The following BTBD16 variants were observed in gnomAD, a reference collection of about 807,000 sequenced individuals.
BTBD16 encodes BTB/POZ domain-containing protein 16.
Under a neutral mutation model 67.4 loss-of-function variants are expected in BTBD16, and 66 were observed. The ratio of observed to expected loss-of-function variants is 0.98; its 90% confidence interval spans 0.80 to 1.20. The LOEUF (loss-of-function observed/expected upper bound fraction) is 1.20. Among genes scored for constraint, BTBD16 ranks in the 50% most tolerant of loss-of-function variants. The pLI is 0.00. For synonymous variants in BTBD16, 242 were observed against 236.4 expected (o/e 1.02, Z -0.22); for missense variants, 634 against 616.0 (o/e 1.03, Z -0.31).
chr10:122,278,514 C>T (rs2096345631), intron 3 of BTBD16, among the ~76,000 whole-genome samples: 2 of 152,212 alleles, frequency 1.3e-5, no homozygotes, highest in Non-Finnish European at 2.9e-5. Flanking sequence ...GTAAACAGAA[C>T]TATTTTCTTT....
chr10:122,307,173 T>G lies in BTBD16; in HGVS notation c.792-16T>G, dbSNP rs371924682. 2.5e-6 allele frequency: 4 copies of G among 1,575,970 alleles called. 1 individual carries two copies. The African/African-American group carries it at 5.5e-5, about 22-fold the overall frequency. On this transcript the variant is annotated splice_polypyrimidine_tract_variant and intron_variant, in intron 9 of 15. Coordinates refer to ENST00000260723, the MANE Select transcript of BTBD16 (RefSeq NM_144587.5). ...CTATTTCTGAAATTTCTTCTCAATC[T>G]TTTTATTTTGGCCAGGTTATTTACC...
chr10:122,292,933 T>C (rs1279168820), intron 7 of BTBD16, among the ~76,000 whole-genome samples: 2 of 152,254 alleles, frequency 1.3e-5, no homozygotes, highest in Non-Finnish European at 2.9e-5. Flanking sequence ...TATTCCTTCA[T>C]TCCATTAATG....
rs545075957 is a variant in BTBD16 at position 122,272,875 on chromosome 10, G to A, written c.-43+1361G>A. On this transcript the variant is annotated intron_variant, in intron 1 of 15. Coordinates refer to ENST00000260723, the MANE Select transcript of BTBD16 (RefSeq NM_144587.5). ...CTACAGTAACCCAGTAGAAAATTGC[G>A]GAAAACCTATGATTAGGCAGTTTTC... 5.3e-5 allele frequency among the ~76,000 whole-genome samples: 8 copies of A among 152,130 alleles called. No homozygotes were observed. The South Asian group carries it at 1.0e-3, about 20-fold the overall frequency.
rs75121222 is a variant in BTBD16, at chr10:122,298,416, A to G, written c.660+579A>G. 5.4e-3 allele frequency among the ~76,000 whole-genome samples: 829 copies of G among 152,266 alleles called. 9 individuals carry two copies. Among genetic ancestry groups the G allele is most frequent in the African/African-American group, 0.018 (746 of 41,560 alleles). ...AATTCCAAGGCCACTTGTGGTGGAA[A>G]CTGCATCCTGGTCAGCATTTCTCAG... On this transcript the variant is annotated intron_variant, in intron 8 of 15. Coordinates refer to ENST00000260723, the MANE Select transcript of BTBD16 (RefSeq NM_144587.5).
chr10:122,327,075 G>A (rs995911771), intron 10 of BTBD16, among the ~76,000 whole-genome samples: 1 of 152,208 alleles, frequency 6.6e-6, no homozygotes, highest in Non-Finnish European at 1.5e-5. Flanking sequence ...AATGGAAAAT[G>A]TGCTGGACTA....
At chr10:122,315,493 T>A (rs1272088543) in intron 10 of BTBD16, among the ~76,000 whole-genome samples, 1 of 152,234 alleles carries the variant, frequency 6.6e-6, no homozygotes, top group Non-Finnish European at 1.5e-5. Context: ...TACCAGCTTT[T>A]AATTAATTTT....
chr10:122,289,008 C>T (rs2096368957), intron 5 of BTBD16, among the ~76,000 whole-genome samples: 1 of 152,182 alleles, frequency 6.6e-6, no homozygotes. Context: ...TCGAGGATGA[C>T]TGAGTGGATG....
intron 15 of BTBD16, 124 bp downstream of exon 15, chr10:122,336,806 A>G: frequency 2.4e-6 from 2 of 820,166 alleles, no homozygotes; most frequent in Non-Finnish European, 1.8e-6. Flanking sequence ...AATCTGGCTC[A>G]GTTTCTTAAG....
At chr10:122,297,197 A>G (rs1160295017) in intron 7 of BTBD16, among the ~76,000 whole-genome samples, 1 of 152,210 alleles carries the variant, frequency 6.6e-6, no homozygotes, top group East Asian at 1.9e-4. Flanking sequence ...TCACTGGCCC[A>G]TCAGTTTTGT....
intron 7 of BTBD16, among the ~76,000 whole-genome samples, chr10:122,297,341 T>C (rs1334817609): frequency 1.3e-5 from 2 of 152,208 alleles, no homozygotes; most frequent in African/African-American, 4.8e-5. Flanking sequence ...TGAGAGCTGC[T>C]CTTTGATTCC....
chr10:122,316,122 C>G (rs2096423826), intron 10 of BTBD16, among the ~76,000 whole-genome samples: 1 of 152,042 alleles, frequency 6.6e-6, no homozygotes, highest in South Asian at 2.1e-4. Context: ...CAAAAATTAG[C>G]CAGGCATGGT....
Position 122,329,587 on chromosome 10 carries a change from G to A in BTBD16, c.1003+16G>A, listed in dbSNP as rs189569951. On this transcript the variant is annotated intron_variant, in intron 11 of 15. Transcript: ENST00000260723. Reference sequence around the variant, plus strand: ...ATCACCAAAGGTAAGCCCCAGTCCAGGCGAGCGCATCCACGGGAAAGCTGC... The same window carrying A: ...ATCACCAAAGGTAAGCCCCAGTCCAAGCGAGCGCATCCACGGGAAAGCTGC... The A allele has an allele frequency of 4.0e-4, 637 of 1,611,016 alleles. 5 individuals are homozygous for A. In the African/African-American group the frequency reaches 7.7e-3, roughly 19 times the overall value.
intron 3 of BTBD16, among the ~76,000 whole-genome samples, chr10:122,277,486 A>G (rs961311055): frequency 6.6e-5 from 10 of 152,164 alleles, no homozygotes; most frequent in African/African-American, 1.9e-4. Flanking sequence ...ATTTATAAAG[A>G]AAAAAGGTTT....
At chr10:122,296,215 T>C (rs1173146466) in intron 7 of BTBD16, among the ~76,000 whole-genome samples, 1 of 152,282 alleles carries the variant, frequency 6.6e-6, no homozygotes, top group East Asian at 1.9e-4. Context: ...AGCAACCTAA[T>C]GGTCAATGTC....
intron 10 of BTBD16, among the ~76,000 whole-genome samples, chr10:122,315,706 G>A (rs2096422880): frequency 6.6e-6 from 1 of 152,030 alleles, no homozygotes; most frequent in African/African-American, 2.4e-5. Flanking sequence ...GATTTTATGG[G>A]TCTTTTTGTG....
rs894335970 is a variant in BTBD16, at chr10:122,332,517, C to T, written c.1164+4C>T. Reference sequence around the variant, plus strand: ...ATTTGGGCTGCTCTTTAACCAGGTACTGAGAACTGTACCCGAACAAGGGGA... The same window carrying T: ...ATTTGGGCTGCTCTTTAACCAGGTATTGAGAACTGTACCCGAACAAGGGGA... On this transcript the variant is annotated splice_donor_region_variant and intron_variant, in intron 13 of 15. Coordinates refer to ENST00000260723, the MANE Select transcript of BTBD16 (RefSeq NM_144587.5). 2 of 1,611,522 alleles carry T rather than the reference C, an allele frequency of 1.2e-6. No homozygotes were observed. Among genetic ancestry groups the T allele is most frequent in the Non-Finnish European group, 1.7e-6 (2 of 1,177,744 alleles).
At position 122,297,755 on chromosome 10, in the gene BTBD16, TCTCTCTCTCCAGGTGCGTG is replaced by T. The variant is rs2096386009; in HGVS notation, c.591-12_597del. ...GTGGGGTTCCTCCAGAAACTGCAGT[TCTCTCTCTCCAGGTGCGTG>T]GATGTGATGATAGCCAGACTCAAGC... On this transcript the variant is annotated splice_acceptor_variant and splice_polypyrimidine_tract_variant and coding_sequence_variant and intron_variant, in exon 8 of 16. Transcript: ENST00000260723. LOFTEE classifies it high-confidence loss of function. 6.8e-6 allele frequency: 11 copies of T among 1,613,572 alleles called. No homozygotes were observed. The highest frequency in any genetic ancestry group is 9.3e-6 in the Non-Finnish European group (11 of 1,179,776).
intron 10 of BTBD16, among the ~76,000 whole-genome samples, chr10:122,324,320 C>T (rs2096440660): frequency 6.6e-6 from 1 of 152,204 alleles, no homozygotes; most frequent in Admixed American, 6.5e-5. Context: ...TCCCAAGGGA[C>T]CGCAGGGGGA....
chr10:122,317,792 C>T (rs2096428547), intron 10 of BTBD16, among the ~76,000 whole-genome samples: 2 of 152,218 alleles, frequency 1.3e-5, no homozygotes, highest in African/African-American at 4.8e-5. Flanking sequence ...GGAAGGCCTT[C>T]AGGGGCAATG....
Sources: allele counts gnomAD v4.1 joint callset (sites outside exome capture counted in the v4.1 genomes callset), GRCh38; gene constraint gnomAD v4.1.1; transcripts MANE v1.5; gene names NCBI Gene and HGNC (gene_info 2026-07-23, HGNC 2026-07-21).